Variants in TRAPPC8 observed in about 807,000 individuals in gnomAD.
The protein encoded by TRAPPC8 is general sporulation gene 1 homolog.
TRAPPC8 carries 54 observed loss-of-function variants against 174.3 expected under a neutral mutation model. The observed-to-expected ratio is 0.31, with a 90% CI of 0.25 to 0.39. The LOEUF (loss-of-function observed/expected upper bound fraction) is 0.39. TRAPPC8 is among the 10% of genes least tolerant of loss of function. TRAPPC8 has a pLI of 1.00. For synonymous variants in TRAPPC8, 630 were observed against 579.9 expected (o/e 1.09, Z -1.24); for missense variants, 1,531 against 1,699.1 (o/e 0.90, Z 1.74).
intron 1 of TRAPPC8, among the ~76,000 whole-genome samples, chr18:31,936,573 T>C (rs1199156560): frequency 6.6e-6 from 1 of 152,130 alleles, no homozygotes; most frequent in South Asian, 2.1e-4. Context: ...TATATAAACA[T>C]GGTAGTTAAG....
At chr18:31,884,231 C>T (rs1213032333) in intron 12 of TRAPPC8, among the ~76,000 whole-genome samples, 1 of 152,128 alleles carries the variant, frequency 6.6e-6, no homozygotes, top group Non-Finnish European at 1.5e-5. Context: ...AGAGCATTAG[C>T]ATATGGAGAC....
At position 31,942,879 on chromosome 18, in the gene TRAPPC8, C is replaced by T; in HGVS notation, c.-115G>A. The T allele has an allele frequency of 8.0e-7, 1 of 1,253,634 alleles. No homozygotes were observed. The allele number at this position is 1,253,634 out of a possible 1,614,324, so 77.7% of individuals were successfully genotyped here. A position where few individuals can be genotyped will look rare whatever the true frequency, so the allele number is the denominator to read the frequency against. On this transcript the variant is annotated 5_prime_UTR_variant, in exon 1 of 29. Coordinates refer to ENST00000283351, the MANE Select transcript of TRAPPC8 (RefSeq NM_014939.5). ...GGCCTGGCCCGGCCGGGCGGGGCCC[C>T]GAACGCACTGGAGCCTAGAAACAAG... is the stretch of plus-strand genomic sequence containing the variant.
At chr18:31,901,557 G>C (rs2036426771) in intron 9 of TRAPPC8, among the ~76,000 whole-genome samples, 1 of 152,194 alleles carries the variant, frequency 6.6e-6, no homozygotes, top group Admixed American at 6.5e-5. Context: ...GATCAAAAGG[G>C]AGAGGCTTCC....
intron 6 of TRAPPC8, 186 bp downstream of exon 6, chr18:31,909,480 CA>C: frequency 1.1e-6 from 1 of 898,846 alleles, no homozygotes; most frequent in Non-Finnish European, 1.3e-6. Context: ...TCATATAAAA[CA>C]AATTTTTAAG....
intron 24 of TRAPPC8, among the ~76,000 whole-genome samples, chr18:31,851,394 A>T (rs1276368696): frequency 1.3e-5 from 2 of 152,208 alleles, no homozygotes; most frequent in Admixed American, 6.5e-5. Context: ...GCTTGTAACA[A>T]TTTAGAACCT....
intron 16 of TRAPPC8, among the ~76,000 whole-genome samples, chr18:31,868,937 G>T (rs2034713895): frequency 6.6e-6 from 1 of 151,418 alleles, no homozygotes; most frequent in Non-Finnish European, 1.5e-5. Flanking sequence ...TTAAAATAAG[G>T]CAATCTTGAA....
chr18:31,919,532 CAAAATAAATAAATAAATAAATAAATAAA>C (rs1239492473), intron 2 of TRAPPC8, among the ~76,000 whole-genome samples: 1 of 119,136 alleles, frequency 8.4e-6, no homozygotes, highest in African/African-American at 3.3e-5. Context: ...GACTCAGTCT[CAAAATAAATAAATAAATAAATAAATAAA>C]TAAATAAATA....
intron 26 of TRAPPC8, among the ~76,000 whole-genome samples, chr18:31,839,910 T>C (rs2032995427): frequency 6.6e-6 from 1 of 152,222 alleles, no homozygotes; most frequent in South Asian, 2.1e-4. Context: ...GTTTAATATT[T>C]CATTCTGAAA....
intron 24 of TRAPPC8, 82 bp from the exon 25 acceptor site, chr18:31,849,821 A>T (rs1397698677): frequency 7.4e-7 from 1 of 1,354,028 alleles, no homozygotes; most frequent in African/African-American, 1.5e-5. Flanking sequence ...AGTTTTAATT[A>T]AATATATCCT....
intron 9 of TRAPPC8, among the ~76,000 whole-genome samples, chr18:31,904,142 T>G (rs2036559377): frequency 6.7e-6 from 1 of 149,938 alleles, no homozygotes; most frequent in Non-Finnish European, 1.5e-5. Flanking sequence ...GGGGCTGAGG[T>G]AGGAGGATCA....
Position 31,907,614 on chromosome 18 carries a change from T to C in TRAPPC8, c.1239-4A>G. The C allele has an allele frequency of 6.3e-7, 1 of 1,596,162 alleles. No individual in the cohort carries two copies. The highest frequency in any genetic ancestry group is 8.5e-7 in the Non-Finnish European group (1 of 1,170,562). On this transcript the variant is annotated splice_polypyrimidine_tract_variant and splice_region_variant and intron_variant, in intron 8 of 28. Coordinates refer to ENST00000283351, the MANE Select transcript of TRAPPC8 (RefSeq NM_014939.5). ...TTCTGGTGCTTCCGGCGGATACCTG[T>C]AAATACAAAAGAAAATAATTTATAA...
chr18:31,923,869 G>A (rs1180734316), intron 2 of TRAPPC8, among the ~76,000 whole-genome samples: 5 of 152,066 alleles, frequency 3.3e-5, no homozygotes, highest in East Asian at 3.9e-4. Context: ...TAATAAGGCC[G>A]GGTGTGGTGG....
At chr18:31,897,949 T>C (rs1356432321) in intron 10 of TRAPPC8, 58 bp from the exon 11 acceptor site, 11 of 1,430,610 alleles carry the variant, frequency 7.7e-6, no homozygotes, top group Non-Finnish European at 1.1e-5. Context: ...CACATCAAAG[T>C]AAATGTGTTC....
intron 24 of TRAPPC8, 34 bp downstream of exon 24, chr18:31,852,412 T>A: frequency 6.2e-7 from 1 of 1,611,266 alleles, no homozygotes; most frequent in Non-Finnish European, 8.5e-7. Flanking sequence ...TAACTATGAC[T>A]TAACATCAAA....
intron 19 of TRAPPC8, among the ~76,000 whole-genome samples, chr18:31,861,126 A>C (rs2034299187): frequency 6.6e-6 from 1 of 152,002 alleles, no homozygotes; most frequent in Non-Finnish European, 1.5e-5. Context: ...CTCTAAATCC[A>C]CCCCCGCAGA....
intron 1 of TRAPPC8, among the ~76,000 whole-genome samples, chr18:31,940,958 A>G (rs543441972): frequency 4.4e-4 from 49 of 111,054 alleles, no homozygotes; most frequent in African/African-American, 1.5e-3. Flanking sequence ...CAGACGCAAA[A>G]CTGTGAACAA....
At chr18:31,939,665 G>A (rs1367704866) in intron 1 of TRAPPC8, 2 of 152,142 alleles carry the variant, frequency 1.3e-5, no homozygotes, top group South Asian at 2.1e-4. Flanking sequence ...GACGAGCCTG[G>A]GCAACAAGGA....
At chr18:31,907,827 G>A (rs1199124021) in intron 8 of TRAPPC8, among the ~76,000 whole-genome samples, 1 of 152,132 alleles carries the variant, frequency 6.6e-6, no homozygotes, top group Admixed American at 6.6e-5. Context: ...TGTCTGAATG[G>A]CAGGCAAACA....
In TRAPPC8 at chr18:31,870,979, T is replaced by C. The variant is rs777321612; in HGVS notation, c.2204A>G (p.Tyr735Cys). 1.9e-6 allele frequency: 3 copies of C among 1,610,758 alleles called. No individual in the cohort carries two copies. Among genetic ancestry groups the C allele is most frequent in the South Asian group, 1.1e-5 (1 of 90,530 alleles). ...ATTATCTGAGTAACTGTTCAAACAG[T>C]ATTGTGTGGGATGAAAATTGGATGG... ...VIPSNFHPTQ[Y>C]CLNSYSDNSR... The change falls in exon 15 of 29, where the codon TAC becomes TGC. Residue 735 changes from tyrosine to cysteine, a missense_variant. Transcript: ENST00000283351.
Sources: allele counts gnomAD v4.1 joint callset (sites outside exome capture counted in the v4.1 genomes callset), GRCh38; gene constraint gnomAD v4.1.1; transcripts MANE v1.5; gene names NCBI Gene and HGNC (gene_info 2026-07-23, HGNC 2026-07-21).